RALGAPA2: variants seen among roughly 807,000 people sequenced by gnomAD.
The protein encoded by RALGAPA2 is ral GTPase-activating protein subunit alpha-2.
Under a neutral mutation model 230.4 loss-of-function variants are expected in RALGAPA2, and 139 were observed. The observed-to-expected ratio is 0.60, with a 90% CI of 0.53 to 0.69. RALGAPA2 has a LOEUF of 0.69. RALGAPA2 is among the 30% of genes least tolerant of loss of function. The pLI, the probability that RALGAPA2 is intolerant of heterozygous loss-of-function variation, is 0.00. For synonymous variants in RALGAPA2, 847 were observed against 837.8 expected, an observed-to-expected ratio of 1.01 and a Z score of -0.19; for missense variants, 2,163 against 2,276.0, an observed-to-expected ratio of 0.95 and a Z score of 1.01.
At chr20:20,571,786 C>A in intron 22 of RALGAPA2, 62 bp downstream of exon 22, 1 of 1,507,844 alleles carries the variant, frequency 6.6e-7, no homozygotes, top group Non-Finnish European at 9.1e-7. Flanking sequence ...TTACATTTTT[C>A]AAACTCAATT....
intron 37 of RALGAPA2, among the ~76,000 whole-genome samples, chr20:20,425,855 A>G (rs562143012): frequency 3.9e-5 from 6 of 152,382 alleles, no homozygotes; most frequent in Non-Finnish European, 8.8e-5. Context: ...CAGAAGTAGC[A>G]AAAGTATGTT....
intron 33 of RALGAPA2, among the ~76,000 whole-genome samples, chr20:20,506,906 T>C (rs1431213706): frequency 6.6e-6 from 1 of 152,164 alleles, no homozygotes; most frequent in East Asian, 1.9e-4. Context: ...ACTTCCCCTA[T>C]GGTTTATATG....
intron 4 of RALGAPA2, among the ~76,000 whole-genome samples, chr20:20,643,971 G>C (rs1030244877): frequency 1.3e-5 from 2 of 152,052 alleles, no homozygotes; most frequent in Non-Finnish European, 2.9e-5. Context: ...CACATTTATG[G>C]GGTTTGGTCC....
chr20:20,616,309 A>C (rs972411487), intron 12 of RALGAPA2, 118 bp from the exon 13 acceptor site: 1 of 940,242 alleles, frequency 1.1e-6, no homozygotes, highest in Admixed American at 3.6e-5. Flanking sequence ...TATTTCCAAA[A>C]GATTCTATTT....
intron 38 of RALGAPA2, among the ~76,000 whole-genome samples, chr20:20,397,954 C>G (rs759566031): frequency 3.9e-5 from 6 of 152,182 alleles, no homozygotes; most frequent in Non-Finnish European, 5.9e-5. Flanking sequence ...CCTGGTTGTG[C>G]TCTTTGGGCA....
At chr20:20,608,730 G>C (rs1204027223) in intron 14 of RALGAPA2, among the ~76,000 whole-genome samples, 1 of 152,192 alleles carries the variant, frequency 6.6e-6, no homozygotes, top group African/African-American at 2.4e-5. Context: ...CAGACCCTTA[G>C]TATTCTTGCC....
At position 20,531,739 on chromosome 20, in the gene RALGAPA2, G is replaced by A; in HGVS notation, c.3530C>T (p.Thr1177Ile). 6.2e-7 allele frequency: 1 copy of A among 1,609,116 alleles called. No individual in the cohort carries two copies. Among genetic ancestry groups the A allele is most frequent in the African/African-American group, 1.3e-5 (1 of 75,000 alleles). Residue 1177 changes from threonine (T) to isoleucine (I), a missense_variant, in exon 27 of 40, where the codon ACA becomes ATA. By Grantham distance (89) the Thr-to-Ile change is moderately conservative (BLOSUM62 -1). Transcript: ENST00000202677. ...GGCCTCTTTCACCTGAGGGTGGCTT[G>A]TACACTGTGCAAGCTCTTCACATAT... ...VWICEELAQCTSHPQVKEAIN... is the reference protein window; with the variant it reads ...VWICEELAQCISHPQVKEAIN...
At chr20:20,614,474 T>C (rs2066072997) in intron 13 of RALGAPA2, among the ~76,000 whole-genome samples, 1 of 152,214 alleles carries the variant, frequency 6.6e-6, no homozygotes, top group African/African-American at 2.4e-5. Flanking sequence ...TGAAAGCATA[T>C]ACCAGCATTT....
At chr20:20,491,126 C>A (rs1359779115) in intron 36 of RALGAPA2, among the ~76,000 whole-genome samples, 1 of 152,146 alleles carries the variant, frequency 6.6e-6, no homozygotes, top group Non-Finnish European at 1.5e-5. Context: ...ACGGAAAGAT[C>A]TGCCCAAGAC....
intron 37 of RALGAPA2, among the ~76,000 whole-genome samples, chr20:20,459,555 T>C (rs2061253318): frequency 6.6e-6 from 1 of 151,956 alleles, no homozygotes; most frequent in Non-Finnish European, 1.5e-5. Flanking sequence ...GTCCGGCCTC[T>C]GTGCCCTCCT....
intron 23 of RALGAPA2, among the ~76,000 whole-genome samples, chr20:20,556,140 G>T (rs1035347012): frequency 1.3e-5 from 2 of 152,182 alleles, no homozygotes; most frequent in Non-Finnish European, 2.9e-5. Context: ...CTGCAAGGAT[G>T]CTCAGGGTGC....
chr20:20,492,668 C>T (rs1047728007), intron 36 of RALGAPA2, among the ~76,000 whole-genome samples: 24 of 152,116 alleles, frequency 1.6e-4, no homozygotes, highest in Admixed American at 4.6e-4. Context: ...TGCAGTGTGT[C>T]GAGTCTGCGT....
intron 23 of RALGAPA2, among the ~76,000 whole-genome samples, chr20:20,568,564 T>C (rs1280564945): frequency 6.6e-6 from 1 of 152,252 alleles, no homozygotes; most frequent in African/African-American, 2.4e-5. Flanking sequence ...ACTTTACAAA[T>C]TGTTTTTTAA....
At chr20:20,634,742 G>A (rs954249081) in intron 9 of RALGAPA2, among the ~76,000 whole-genome samples, 5 of 152,154 alleles carry the variant, frequency 3.3e-5, no homozygotes, top group African/African-American at 4.8e-5. Flanking sequence ...ATCCCTTAGC[G>A]AAGTGGCTGC....
chr20:20,512,248 C>CACAT (rs2062733760), intron 32 of RALGAPA2, among the ~76,000 whole-genome samples: 2 of 151,640 alleles, frequency 1.3e-5, no homozygotes, highest in African/African-American at 4.8e-5. Flanking sequence ...CATACACACA[C>CACAT]ACACACACAC....
chr20:20,445,552 T>C (rs950288619), intron 37 of RALGAPA2, among the ~76,000 whole-genome samples: 1 of 152,176 alleles, frequency 6.6e-6, no homozygotes, highest in African/African-American at 2.4e-5. Context: ...TTCTTGTTTT[T>C]GAAATAAACC....
chr20:20,467,956 CTCT>C (rs928696475), intron 37 of RALGAPA2, among the ~76,000 whole-genome samples: 1 of 152,162 alleles, frequency 6.6e-6, no homozygotes, highest in Non-Finnish European at 1.5e-5. Context: ...TTCCTCTGAA[CTCT>C]TCTTTTTGTA....
intron 36 of RALGAPA2, among the ~76,000 whole-genome samples, chr20:20,488,482 G>A (rs2061969699): frequency 6.6e-6 from 1 of 152,228 alleles, no homozygotes; most frequent in South Asian, 2.1e-4. Context: ...CTGATAAGGT[G>A]TGCTTCTCTG....
intron 5 of RALGAPA2, among the ~76,000 whole-genome samples, chr20:20,642,192 A>G (rs2067063207): frequency 7.8e-6 from 1 of 128,602 alleles, no homozygotes; most frequent in Non-Finnish European, 1.6e-5. Flanking sequence ...AGAAGGCTCT[A>G]TGTATATCTT....
Sources: gnomAD v4.1 joint callset for allele counts (sites outside exome capture counted in the v4.1 genomes callset) on GRCh38, gnomAD v4.1.1 for gene constraint, MANE v1.5 for transcripts, NCBI Gene and HGNC (gene_info 2026-07-23, HGNC 2026-07-21) for gene names.